DCDC2C: variants seen among roughly 807,000 people sequenced by gnomAD.
DCDC2C encodes the protein doublecortin domain-containing protein 2C.
A neutral mutation model predicts 45.0 loss-of-function variants in DCDC2C; 44 were observed. That is an observed-to-expected ratio of 0.98 (90% CI 0.77 to 1.26). The LOEUF (loss-of-function observed/expected upper bound fraction) is 1.26, where lower values mean the gene tolerates loss of function less well. Among genes scored for constraint, DCDC2C ranks in the 50% most tolerant of loss-of-function variants. DCDC2C has a pLI of 0.00. For missense variants in DCDC2C, 447 were observed against 468.9 expected, an observed-to-expected ratio of 0.95 and a Z score of 0.43; for synonymous variants, 187 against 178.8, an observed-to-expected ratio of 1.05 and a Z score of -0.37.
At chr2:3,829,366 C>A (rs541667095) in intron 10 of DCDC2C, among the ~76,000 whole-genome samples, 1 of 146,138 alleles carries the variant, frequency 6.8e-6, no homozygotes, top group African/African-American at 2.5e-5. Flanking sequence ...ATTTTATGAT[C>A]ATAAATTAGC....
chr2:3,715,252 T>C (rs1383669657), intron 2 of DCDC2C, among the ~76,000 whole-genome samples: 1 of 152,144 alleles, frequency 6.6e-6, no homozygotes, highest in Non-Finnish European at 1.5e-5. Flanking sequence ...TAACATATGT[T>C]TTTAAAACCA....
At chr2:3,823,490 T>C (rs1671742598) in intron 10 of DCDC2C, among the ~76,000 whole-genome samples, 1 of 152,204 alleles carries the variant, frequency 6.6e-6, no homozygotes, top group Non-Finnish European at 1.5e-5. Flanking sequence ...TTGGTTTATG[T>C]TGTTCATGTT....
chr2:3,844,825 C>A (rs1003869259), intron 10 of DCDC2C, among the ~76,000 whole-genome samples: 5 of 152,176 alleles, frequency 3.3e-5, no homozygotes, highest in Admixed American at 6.5e-5. Context: ...CTGGGGCCGA[C>A]CTTCCCTTCT....
intron 10 of DCDC2C, among the ~76,000 whole-genome samples, chr2:3,845,901 A>G (rs1290953217): frequency 3.3e-5 from 5 of 152,162 alleles, no homozygotes; most frequent in Non-Finnish European, 1.5e-5. Context: ...CTCCCTGAAC[A>G]TTAGTTGTCT....
intron 5 of DCDC2C, among the ~76,000 whole-genome samples, chr2:3,753,656 G>A (rs1006583272): frequency 1.2e-4 from 19 of 152,188 alleles, no homozygotes; most frequent in Non-Finnish European, 7.3e-5. Context: ...CCATGCAGGT[G>A]GCCAGCCTTC....
chr2:3,710,442 G>A (rs1197487698), intron 2 of DCDC2C, among the ~76,000 whole-genome samples: 1 of 152,064 alleles, frequency 6.6e-6, no homozygotes, highest in East Asian at 1.9e-4. Flanking sequence ...CCACTTACAA[G>A]CGAGGACATG....
intron 10 of DCDC2C, among the ~76,000 whole-genome samples, chr2:3,794,497 C>T (rs986939472): frequency 2.6e-5 from 4 of 152,134 alleles, no homozygotes; most frequent in Non-Finnish European, 4.4e-5. Flanking sequence ...GTATATCTCC[C>T]AATGCTATCC....
chr2:3,746,637 G>A lies in DCDC2C; in HGVS notation c.545+4589G>A, dbSNP rs1669371161. Among the ~76,000 whole-genome samples the A allele has an allele frequency of 1.3e-5, 2 of 152,212 alleles. 1 individual carries two copies. Among genetic ancestry groups the A allele is most frequent in the African/African-American group, 4.8e-5 (2 of 41,458 alleles). On this transcript the variant is annotated intron_variant, in intron 4 of 10. Coordinates refer to ENST00000399143, the MANE Select transcript of DCDC2C (RefSeq NM_001287444.2). The stretch of plus-strand genomic sequence containing the variant: ...CTCTGCACCGTACACTATTCTAGGA[G>A]CCGGGAGGTGATAAACAATCAAACA...
intron 2 of DCDC2C, among the ~76,000 whole-genome samples, chr2:3,715,286 A>T (rs1668319463): frequency 6.6e-6 from 1 of 152,128 alleles, no homozygotes; most frequent in African/African-American, 2.4e-5. Flanking sequence ...TGAGATTTAG[A>T]GAACCTTTTT....
At chr2:3,716,442 A>G (rs1668353026) in intron 2 of DCDC2C, among the ~76,000 whole-genome samples, 1 of 152,182 alleles carries the variant, frequency 6.6e-6, no homozygotes, top group Non-Finnish European at 1.5e-5. Flanking sequence ...AAGGAAGATG[A>G]AGACTGAGAT....
chr2:3,794,978 C>T (rs1310686428), intron 10 of DCDC2C, among the ~76,000 whole-genome samples: 1 of 152,174 alleles, frequency 6.6e-6, no homozygotes, highest in African/African-American at 2.4e-5. Context: ...TGCAGTCCCA[C>T]CAACAGTGTA....
At chr2:3,829,555 C>T (rs909528307) in intron 10 of DCDC2C, among the ~76,000 whole-genome samples, 1 of 152,052 alleles carries the variant, frequency 6.6e-6, no homozygotes, top group African/African-American at 2.4e-5. Flanking sequence ...CTGCGCGGTT[C>T]CTATAATCTT....
intron 10 of DCDC2C, among the ~76,000 whole-genome samples, chr2:3,798,943 C>T (rs1454551374): frequency 6.6e-6 from 1 of 152,106 alleles, no homozygotes; most frequent in Non-Finnish European, 1.5e-5. Flanking sequence ...GGAAGTTCTC[C>T]TGGATAATAT....
rs10173134 is a variant in DCDC2C, at chr2:3,794,651, T to C, written c.1065+9551T>C. ...TGTTCTTGTGATAGTTTACTGAGAA[T>C]GATGATTTCCAATTTCATCCATGTC... On this transcript the variant is annotated intron_variant, in intron 10 of 10. Transcript: ENST00000399143. Among the ~76,000 whole-genome samples, 659 of 152,356 alleles carry C rather than the reference T, an allele frequency of 4.3e-3. 1 individual carries two copies. The highest frequency in any genetic ancestry group is 0.015 in the African/African-American group (629 of 41,576).
chr2:3,846,400 A>G (rs1672330559), intron 10 of DCDC2C, among the ~76,000 whole-genome samples: 1 of 152,132 alleles, frequency 6.6e-6, no homozygotes, highest in Non-Finnish European at 1.5e-5. Context: ...GACTACAGGC[A>G]TGAGCCACCA....
intron 2 of DCDC2C, among the ~76,000 whole-genome samples, chr2:3,724,133 C>T (rs1668571003): frequency 6.6e-6 from 1 of 152,176 alleles, no homozygotes; most frequent in Admixed American, 6.5e-5. Flanking sequence ...GAGATCCATT[C>T]TAAAAATTAA....
chr2:3,836,861 CAAA>C (rs58586640), intron 10 of DCDC2C, among the ~76,000 whole-genome samples: 4 of 136,576 alleles, frequency 2.9e-5, no homozygotes, highest in Admixed American at 7.2e-5. Context: ...GACTCCGTCT[CAAA>C]AAAAAAAAAA....
In DCDC2C at chr2:3,807,991, AT is replaced by A. The variant is rs368692605; in HGVS notation, c.1065+22895del. ...GGACATTTGGGTCCAACTTTTGAATATTTTAAAAAGAGCTGCTATCCATTGA... is the reference window on the plus strand; with the variant it reads ...GGACATTTGGGTCCAACTTTTGAATATTTAAAAAGAGCTGCTATCCATTGA... On this transcript the variant is annotated intron_variant, in intron 10 of 10. Coordinates refer to ENST00000399143, the MANE Select transcript of DCDC2C (RefSeq NM_001287444.2). 7.9e-5 allele frequency among the ~76,000 whole-genome samples: 12 copies of A among 152,324 alleles called. No individual in the cohort carries two copies. In the East Asian group the frequency reaches 2.3e-3, roughly 29 times the overall value.
At chr2:3,706,646 A>G (rs1356226870) in intron 1 of DCDC2C, among the ~76,000 whole-genome samples, 1 of 152,198 alleles carries the variant, frequency 6.6e-6, no homozygotes, top group Non-Finnish European at 1.5e-5. Flanking sequence ...TTGCTGAGAC[A>G]TGAATGTGAA....
Sources: gnomAD v4.1 joint callset for allele counts (sites outside exome capture counted in the v4.1 genomes callset) on GRCh38, gnomAD v4.1.1 for gene constraint, MANE v1.5 for transcripts, NCBI Gene and HGNC (gene_info 2026-07-23, HGNC 2026-07-21) for gene names.